LETM1: variants seen among roughly 807,000 people sequenced by gnomAD.
LETM1 encodes the protein leucine zipper and EF-hand containing transmembrane protein 1.
LETM1 carries 50 observed loss-of-function variants against 74.5 expected under a neutral mutation model. The ratio of observed to expected loss-of-function variants is 0.67; its 90% confidence interval spans 0.53 to 0.85. The LOEUF is 0.85. LETM1 is among the 40% of genes least tolerant of loss of function. LETM1 has a pLI of 0.00. For synonymous variants in LETM1, 446 were observed against 407.1 expected (o/e 1.10, Z -1.15); for missense variants, 824 against 967.8 (o/e 0.85, Z 1.97).
rs554027537 is a variant in LETM1, at chr4:1,832,258, C to T, written c.1080+486G>A. 2.2e-4 allele frequency among the ~76,000 whole-genome samples: 34 copies of T among 152,016 alleles called. No homozygotes were observed. In the South Asian group the frequency reaches 6.7e-3, roughly 30 times the overall value. On this transcript the variant is annotated intron_variant, in intron 6 of 13. Transcript: ENST00000302787. Reference sequence around the variant, plus strand: ...CAGAGGTTGCAGTGAGTCGAGATCTCGCCACTGCACTCCAACCTGGGCAAC... The same window carrying T: ...CAGAGGTTGCAGTGAGTCGAGATCTTGCCACTGCACTCCAACCTGGGCAAC...
rs1713227478 is a variant in LETM1 at position 1,855,937 on chromosome 4, A to G, written c.14T>C (p.Leu5Ser). The G allele has an allele frequency of 8.1e-7, 1 of 1,230,218 alleles. No individual in the cohort carries two copies. Among genetic ancestry groups the G allele is most frequent in the South Asian group, 3.6e-5 (1 of 28,132 alleles). 76.2% of individuals were successfully genotyped at this position (1,230,218 alleles called of 1,614,324 possible). A position where few individuals can be genotyped will look rare whatever the true frequency, so the allele number is the denominator to read the frequency against. Residue 5 changes from leucine to serine, a missense_variant, in exon 1 of 14, where the codon TTA (leucine) becomes TCA (serine). Leu to Ser is a moderately radical substitution (Grantham distance 145). This residue lies in a region of LETM1 where 222 missense variants were observed against 195.6 expected (regional missense o/e 1.14). Coordinates refer to ENST00000302787, the MANE Select transcript of LETM1 (RefSeq NM_012318.3). The part of the protein sequence containing the change: MASI[L>S]LRSCRGRAPA... The stretch of plus-strand genomic sequence containing the variant: ...CGCCCGGCCGCGGCAGCTCCTCAGT[A>G]AGATGGACGCCATGTGCTCGGGCGC...
chr4:1,840,194 G>T (rs1050337162), intron 3 of LETM1, among the ~76,000 whole-genome samples: 1 of 152,132 alleles, frequency 6.6e-6, no homozygotes, highest in Non-Finnish European at 1.5e-5. Context: ...CCTGGCCAAC[G>T]CGGTGAAACC....
chr4:1,833,243 G>T, intron 5 of LETM1: 1 of 388,374 alleles, frequency 2.6e-6, no homozygotes, highest in Admixed American at 3.8e-5. Context: ...GCTAATTTTT[G>T]TATTTTAGTA....
Position 1,836,129 on chromosome 4 carries a change from G to A in LETM1, c.738+300C>T, listed in dbSNP as rs1712455322. On this transcript the variant is annotated intron_variant, in intron 4 of 13. Coordinates refer to ENST00000302787, the MANE Select transcript of LETM1 (RefSeq NM_012318.3). The surrounding 1 kb of genome is among the most constrained non-coding windows in gnomAD (Gnocchi z 5.8). ...CTTGGGAGGCTGAGGCAGGAGATTC[G>A]CTTGAACCCGGGAGGCAGAGGTTGT... Among the ~76,000 whole-genome samples, 1 of 151,806 alleles carries A rather than the reference G, an allele frequency of 6.6e-6. No individual in the cohort carries two copies. Among genetic ancestry groups the A allele is most frequent in the Non-Finnish European group, 1.5e-5 (1 of 67,960 alleles).
In LETM1 at chr4:1,841,616, G is replaced by A; in HGVS notation, c.325C>T (p.His109Tyr). 6.2e-7 allele frequency: 1 copy of A among 1,614,202 alleles called. No homozygotes were observed. The highest frequency in any genetic ancestry group is 8.5e-7 in the Non-Finnish European group (1 of 1,180,032). Reference protein sequence around the residue: ...GPQCLPVRGWHSSRPVRDDSV... With the variant: ...GPQCLPVRGWYSSRPVRDDSV... ...TCATCGCGAACAGGGCGCGAAGAGT[G>A]CCAGCCACGCACAGGAAGGCACTGA... is the stretch of plus-strand genomic sequence containing the variant. Residue 109 changes from histidine (H) to tyrosine (Y), a missense_variant, in exon 3 of 14, where the codon CAC becomes TAC. Transcript: ENST00000302787.
chr4:1,821,126 T>G (rs1711759321), intron 10 of LETM1, among the ~76,000 whole-genome samples: 1 of 150,816 alleles, frequency 6.6e-6, no homozygotes, highest in Non-Finnish European at 1.5e-5. Context: ...AAGTGAAATT[T>G]TTTTTTTTTT....
In LETM1 at chr4:1,814,581, C is replaced by T. The variant is rs200721606; in HGVS notation, c.2071-8G>A. The stretch of plus-strand genomic sequence containing the variant: ...GTCCACCAGCTCAATCACCTACACA[C>T]GTGGGAAAGGGAGAGGCTCAGGTGG... On this transcript the variant is annotated splice_polypyrimidine_tract_variant and splice_region_variant and intron_variant, in intron 13 of 13. Coordinates refer to ENST00000302787, the MANE Select transcript of LETM1 (RefSeq NM_012318.3). The T allele has an allele frequency of 8.7e-6, 14 of 1,612,454 alleles. No homozygotes were observed. The highest frequency in any genetic ancestry group is 2.2e-5 in the East Asian group (1 of 44,882).
Position 1,822,205 on chromosome 4 carries a change from A to G in LETM1, c.1584T>C (p.Thr528=). The G allele has an allele frequency of 6.7e-7, 1 of 1,489,500 alleles. No homozygotes were observed. The allele number at this position is 1,489,500 out of a possible 1,614,324, so 92.3% of individuals were successfully genotyped here. ...CCTTCAAGCCCTCCAGCACCGGGGC[A>G]GTGTCCTTCAAGGTCTCTGACTGCA... ...TVLQSETLKD[T]APVLEGLKEE... Residue 528 remains threonine (T), a synonymous_variant, in exon 10 of 14, where the codon ACT becomes ACC. Coordinates refer to ENST00000302787, the MANE Select transcript of LETM1 (RefSeq NM_012318.3).
intron 12 of LETM1, 80 bp from the exon 13 acceptor site, chr4:1,815,882 A>G: frequency 6.4e-7 from 1 of 1,561,170 alleles, no homozygotes. Context: ...TGTGGCTGCA[A>G]GTGGTCAGCA....
At chr4:1,824,411 C>A (rs1560483008) in intron 7 of LETM1, among the ~76,000 whole-genome samples, 1 of 152,150 alleles carries the variant, frequency 6.6e-6, no homozygotes, top group Non-Finnish European at 1.5e-5. Context: ...CCCTTGCAGG[C>A]TCTGCACAGG....
intron 6 of LETM1, 85 bp from the exon 7 acceptor site, chr4:1,825,768 C>T: frequency 6.8e-7 from 1 of 1,462,024 alleles, no homozygotes; most frequent in Non-Finnish European, 9.3e-7. Context: ...GAATAAGTGG[C>T]TAACAGATTT....
Position 1,836,409 on chromosome 4 carries a change from A to C in LETM1, c.738+20T>G, listed in dbSNP as rs1712463988. On this transcript the variant is annotated intron_variant, in intron 4 of 13. Transcript: ENST00000302787. The surrounding 1 kb of genome is among the most constrained non-coding windows in gnomAD (Gnocchi z 5.8). Reference sequence around the variant, plus strand: ...ATTTCAGACTCATTCTAAAACAAGCAGTTGGGATGCTGCCCTTACCTTGAG... The same window carrying C: ...ATTTCAGACTCATTCTAAAACAAGCCGTTGGGATGCTGCCCTTACCTTGAG... 5.0e-6 allele frequency: 8 copies of C among 1,612,900 alleles called. No homozygotes were observed. The highest frequency in any genetic ancestry group is 6.8e-6 in the Non-Finnish European group (8 of 1,179,128).
At chr4:1,849,266 C>A in intron 1 of LETM1, 57 bp from the exon 2 acceptor site, 3 of 1,289,562 alleles carry the variant, frequency 2.3e-6, no homozygotes, top group African/African-American at 1.5e-5. Context: ...TATACTGATA[C>A]CTTTTTTTGT....
chr4:1,830,875 G>A (rs1026750908), intron 6 of LETM1, among the ~76,000 whole-genome samples: 2 of 152,050 alleles, frequency 1.3e-5, no homozygotes, highest in Non-Finnish European at 2.9e-5. Flanking sequence ...CCAGTGTGTC[G>A]CAGCTGACCT....
At position 1,841,759 on chromosome 4, in the gene LETM1, A is replaced by G. The variant is rs1712707079; in HGVS notation, c.182T>C (p.Val61Ala). 1 of 1,613,952 alleles carries G rather than the reference A, an allele frequency of 6.2e-7. No homozygotes were observed. Among genetic ancestry groups the G allele is most frequent in the East Asian group, 2.2e-5 (1 of 44,888 alleles). ...GTGATCGCCTCTGGAGGATGTGTACACAGGGTGGATGGGAGTGCAGCAGCC... is the reference window on the plus strand; with the variant it reads ...GTGATCGCCTCTGGAGGATGTGTACGCAGGGTGGATGGGAGTGCAGCAGCC... The part of the protein sequence containing the change: ...PFGCCTPIHP[V>A]YTSSRGDHLG... The change falls in exon 3 of 14, where the codon GTG (valine) becomes GCG (alanine). Residue 61 changes from valine (V) to alanine (A), a missense_variant. Val to Ala is a moderately conservative substitution (Grantham distance 64). This residue lies in a region of LETM1 where 222 missense variants were observed against 195.6 expected (regional missense o/e 1.14). Transcript: ENST00000302787.
rs543280821 is a variant in LETM1 at position 1,828,621 on chromosome 4, G to A, written c.1081-2938C>T. Among the ~76,000 whole-genome samples the A allele has an allele frequency of 2.4e-5, 3 of 126,540 alleles. No individual in the cohort carries two copies. In the East Asian group the frequency reaches 7.9e-4, roughly 33 times the overall value. The allele number at this position is 126,540 out of a possible 152,430, so 83.0% of individuals were successfully genotyped here. A position where few individuals can be genotyped will look rare whatever the true frequency, so the allele number is the denominator to read the frequency against. ...GGGCAGAGGGGCTCCTCACTTCCCA[G>A]TAGGGGCGGCCGGGCAGAGGCGCCC... On this transcript the variant is annotated intron_variant, in intron 6 of 13. Coordinates refer to ENST00000302787, the MANE Select transcript of LETM1 (RefSeq NM_012318.3).
intron 2 of LETM1, among the ~76,000 whole-genome samples, chr4:1,847,905 A>G (rs1029892202): frequency 1.3e-5 from 2 of 150,856 alleles, no homozygotes; most frequent in Non-Finnish European, 3.0e-5. Context: ...GCTGAGGCAG[A>G]TAACTGCTTG....
intron 11 of LETM1, among the ~76,000 whole-genome samples, chr4:1,817,518 A>C (rs1711610654): frequency 6.6e-6 from 1 of 152,110 alleles, no homozygotes; most frequent in African/African-American, 2.4e-5. Context: ...CCAAGATCAC[A>C]TCACTGCACT....
Position 1,836,417 on chromosome 4 carries a change from T to C in LETM1, c.738+12A>G. On this transcript the variant is annotated intron_variant, in intron 4 of 13. Transcript: ENST00000302787. The surrounding 1 kb of genome is among the most constrained non-coding windows in gnomAD (Gnocchi z 5.8). Reference sequence around the variant, plus strand: ...CTCATTCTAAAACAAGCAGTTGGGATGCTGCCCTTACCTTGAGTGACTGAG... The same window carrying C: ...CTCATTCTAAAACAAGCAGTTGGGACGCTGCCCTTACCTTGAGTGACTGAG... 6.2e-7 allele frequency: 1 copy of C among 1,613,684 alleles called. No homozygotes were observed. Among genetic ancestry groups the C allele is most frequent in the Non-Finnish European group, 8.5e-7 (1 of 1,179,732 alleles).
Sources: allele counts gnomAD v4.1 joint callset (sites outside exome capture counted in the v4.1 genomes callset), GRCh38; gene constraint gnomAD v4.1.1; regional missense constraint gnomAD v4.1.1; non-coding constraint Gnocchi (gnomAD v3.1); transcripts MANE v1.5; gene names NCBI Gene and HGNC (gene_info 2026-07-23, HGNC 2026-07-21).